LRBA: variants seen among roughly 807,000 people sequenced by gnomAD.
LRBA encodes the protein lipopolysaccharide-responsive and beige-like anchor protein.
LRBA carries 176 observed loss-of-function variants against 330.0 expected under a neutral mutation model. The ratio of observed to expected loss-of-function variants is 0.53; its 90% CI spans 0.47 to 0.60. The LOEUF (loss-of-function observed/expected upper bound fraction) is 0.60. Among genes scored for constraint, LRBA ranks in the 20% least tolerant of loss-of-function variants. The probability of loss-of-function intolerance (pLI) is 0.00; values close to 1 mark genes in which losing one functional copy is unlikely to be tolerated. For synonymous variants in LRBA, 1,230 were observed against 1,193.0 expected (o/e 1.03, Z -0.64); for missense variants, 3,259 against 3,444.8 (o/e 0.95, Z 1.35).
intron 40 of LRBA, among the ~76,000 whole-genome samples, chr4:150,502,605 G>A (rs1216080169): frequency 6.6e-6 from 1 of 152,242 alleles, no homozygotes; most frequent in Admixed American, 6.5e-5. Context: ...AACAGCTCCA[G>A]TCTACAGCTC....
In LRBA at chr4:150,908,723, A is replaced by G. The variant is rs111753976; in HGVS notation, c.1296T>C (p.Leu432=). The change falls in exon 10 of 57, where the codon CTT becomes CTC. Residue 432 remains leucine (L), a synonymous_variant. Coordinates refer to ENST00000651943, the MANE Select transcript of LRBA (RefSeq NM_001364905.1). ...NPRATDAQLC[L]ESSPKDNPSI... Reference sequence around the variant, plus strand: ...AAGGGTTGTCCTTAGGAGATGATTCAAGACAAAGCTGGGCATCTGTAGCCC... The same window carrying G: ...AAGGGTTGTCCTTAGGAGATGATTCGAGACAAAGCTGGGCATCTGTAGCCC... 5.0e-6 allele frequency: 8 copies of G among 1,613,906 alleles called. No individual in the cohort carries two copies. The highest frequency in any genetic ancestry group is 3.3e-5 in the Admixed American group (2 of 59,984).
At chr4:150,996,001 T>A (rs753529566) in intron 2 of LRBA, among the ~76,000 whole-genome samples, 2 of 150,818 alleles carry the variant, frequency 1.3e-5, no homozygotes, top group African/African-American at 2.4e-5. Context: ...CTGGGTCTTG[T>A]GTGAGCAAGG....
intron 37 of LRBA, among the ~76,000 whole-genome samples, chr4:150,666,988 C>CT (rs1191135143): frequency 6.6e-6 from 1 of 152,154 alleles, no homozygotes; most frequent in East Asian, 1.9e-4. Flanking sequence ...CCCAGAGAGA[C>CT]TAAGTGGTAC....
At chr4:150,309,994 C>A (rs548730842) in intron 52 of LRBA, among the ~76,000 whole-genome samples, 1 of 152,262 alleles carries the variant, frequency 6.6e-6, no homozygotes, top group South Asian at 2.1e-4. Flanking sequence ...TAAGCATGAG[C>A]TTGGGTCACA....
intron 36 of LRBA, among the ~76,000 whole-genome samples, chr4:150,690,468 A>G (rs760754075): frequency 5.3e-5 from 8 of 149,962 alleles, no homozygotes; most frequent in Non-Finnish European, 1.0e-4. Flanking sequence ...ACGCCACTGC[A>G]CTCCAGCCTG....
At chr4:150,708,531 G>A (rs1785860944) in intron 36 of LRBA, among the ~76,000 whole-genome samples, 1 of 151,598 alleles carries the variant, frequency 6.6e-6, no homozygotes, top group African/African-American at 2.4e-5. Flanking sequence ...AAAGAAAATG[G>A]TATCAAAAAA....
At chr4:150,267,410 G>A (rs1433198402) in intron 56 of LRBA, among the ~76,000 whole-genome samples, 14 of 147,200 alleles carry the variant, frequency 9.5e-5, no homozygotes, top group African/African-American at 3.5e-4. Context: ...TATGTGGAAA[G>A]TAAATAAATG....
intron 2 of LRBA, among the ~76,000 whole-genome samples, chr4:150,967,943 G>A (rs911089934): frequency 2.0e-5 from 3 of 151,302 alleles, no homozygotes; most frequent in Non-Finnish European, 4.4e-5. Context: ...TTGAAATTAG[G>A]CCAATTAATA....
intron 34 of LRBA, among the ~76,000 whole-genome samples, chr4:150,764,665 A>G (rs1735518680): frequency 6.6e-6 from 1 of 152,070 alleles, no homozygotes; most frequent in African/African-American, 2.4e-5. Flanking sequence ...ATGGCAAATA[A>G]GCATATGAAA....
chr4:150,481,700 T>G (rs1757318981), intron 42 of LRBA, among the ~76,000 whole-genome samples: 1 of 152,110 alleles, frequency 6.6e-6, no homozygotes, highest in African/African-American at 2.4e-5. Context: ...TTTAATTTCT[T>G]TCATTTAGCA....
chr4:150,587,966 G>C lies in LRBA; in HGVS notation c.6330+82C>G, dbSNP rs1033984261. On this transcript the variant is annotated intron_variant, in intron 40 of 56. Transcript: ENST00000651943. ...CTTAGAAGAAATTCAAACTAAGCCT[G>C]TCAGATTTACCAATCCCAATCCTAT... is the stretch of plus-strand genomic sequence containing the variant. The C allele has an allele frequency of 1.5e-5, 21 of 1,430,396 alleles. No individual in the cohort carries two copies. In the Admixed American group the frequency reaches 3.0e-4, roughly 21 times the overall value. The allele number at this position is 1,430,396 out of a possible 1,614,324, so 88.6% of individuals were successfully genotyped here. A position where few individuals can be genotyped will look rare whatever the true frequency, so the allele number is the denominator to read the frequency against.
intron 53 of LRBA, among the ~76,000 whole-genome samples, chr4:150,293,661 T>C (rs1289139501): frequency 6.6e-6 from 1 of 152,220 alleles, no homozygotes; most frequent in African/African-American, 2.4e-5. Context: ...TCTCCTCTTC[T>C]CTCTATGATA....
chr4:150,608,289 T>C (rs1774875444), intron 37 of LRBA, among the ~76,000 whole-genome samples: 1 of 152,188 alleles, frequency 6.6e-6, no homozygotes, highest in Non-Finnish European at 1.5e-5. Flanking sequence ...AAAAATGTAC[T>C]GAGTGTTTAT....
In LRBA at chr4:151,014,534, G is replaced by A. The variant is rs374519451; in HGVS notation, c.109C>T (p.Pro37Ser). The change falls in exon 2 of 57, where the codon CCA becomes TCA. Residue 37 changes from proline to serine, a missense_variant. By Grantham distance (74) the Pro-to-Ser change is moderately conservative. Coordinates refer to ENST00000651943, the MANE Select transcript of LRBA (RefSeq NM_001364905.1). The stretch of plus-strand genomic sequence containing the variant: ...CTGATGCCCCTGATGGGGAGCCCTG[G>A]TTTCAGAGACAATGCACCCCCTTCA... ...PTEGGALSLK[P>S]GLPIRGIRMK... 9.6e-5 allele frequency: 155 copies of A among 1,613,940 alleles called. No individual in the cohort carries two copies. Among genetic ancestry groups the A allele is most frequent in the Middle Eastern group, 1.6e-4 (1 of 6,084 alleles).
chr4:150,993,534 ATT>A (rs1742321910), intron 2 of LRBA, among the ~76,000 whole-genome samples: 1 of 152,176 alleles, frequency 6.6e-6, no homozygotes, highest in Non-Finnish European at 1.5e-5. Context: ...ATAAAACCTC[ATT>A]GTATTAGTCC....
chr4:150,728,318 T>C (rs1012313024), intron 36 of LRBA, among the ~76,000 whole-genome samples: 11 of 152,060 alleles, frequency 7.2e-5, no homozygotes, highest in Non-Finnish European at 1.3e-4. Flanking sequence ...TTCCAAAAAA[T>C]AGAGGAGGGA....
chr4:150,907,533 A>C (rs926068441), intron 11 of LRBA, among the ~76,000 whole-genome samples: 4 of 152,304 alleles, frequency 2.6e-5, no homozygotes, highest in Admixed American at 2.6e-4. Flanking sequence ...GTTGCCTGAA[A>C]ATAATGAGGA....
intron 31 of LRBA, among the ~76,000 whole-genome samples, chr4:150,816,524 T>C (rs1467802706): frequency 1.3e-5 from 2 of 151,906 alleles, no homozygotes; most frequent in Admixed American, 6.6e-5. Context: ...TCCATATATA[T>C]GCTTTTAAAC....
chr4:150,748,940 G>A (rs939194355), intron 35 of LRBA, among the ~76,000 whole-genome samples: 2 of 152,120 alleles, frequency 1.3e-5, no homozygotes, highest in African/African-American at 4.8e-5. Context: ...TAGAAGCAAA[G>A]ACCCAGCCCT....
Sources: gnomAD v4.1 joint callset for allele counts (sites outside exome capture counted in the v4.1 genomes callset) on GRCh38, gnomAD v4.1.1 for gene constraint, MANE v1.5 for transcripts, NCBI Gene and HGNC (gene_info 2026-07-23, HGNC 2026-07-21) for gene names.